Variants in ZNF638 observed in about 807,000 individuals in gnomAD.
ZNF638 encodes CTCL tumor antigen se33-1.
In ZNF638, 46 loss-of-function variants were observed where a neutral mutation model predicts 195.6. The ratio of observed to expected loss-of-function variants is 0.24; its 90% CI spans 0.19 to 0.30. ZNF638 has a LOEUF of 0.30. ZNF638 is among the 10% of genes least tolerant of loss of function. The probability of loss-of-function intolerance (pLI) is 1.00; values close to 1 mark genes in which losing one functional copy is unlikely to be tolerated. For missense variants in ZNF638, 2,440 were observed against 2,325.3 expected (o/e 1.05, Z -1.01); for synonymous variants, 845 against 772.0 (o/e 1.09, Z -1.57).
At chr2:71,408,287 A>G (rs749810396) in intron 20 of ZNF638, 40 bp downstream of exon 20, 46 of 1,597,904 alleles carry the variant, frequency 2.9e-5, no homozygotes, top group Middle Eastern at 1.7e-4. Context: ...ATTTTAGAAA[A>G]TACAGAGAAC....
chr2:71,382,909 G>T (rs991061107), intron 10 of ZNF638, among the ~76,000 whole-genome samples: 1 of 152,160 alleles, frequency 6.6e-6, no homozygotes, highest in Non-Finnish European at 1.5e-5. Context: ...ATCTGTACCA[G>T]AAGAGAGAAA....
At chr2:71,337,496 T>A (rs577141766) in intron 1 of ZNF638, among the ~76,000 whole-genome samples, 108 of 152,106 alleles carry the variant, frequency 7.1e-4, no homozygotes, top group African/African-American at 2.4e-3. Context: ...CACTGCAATC[T>A]CTGCCTCCTG....
chr2:71,383,762 C>CTTTTTTTTTTTTTTTTTTT (rs1181570876), intron 10 of ZNF638, among the ~76,000 whole-genome samples: 6 of 76,720 alleles, frequency 7.8e-5, no homozygotes, highest in African/African-American at 1.0e-4. Flanking sequence ...TTTTCTTTTT[C>CTTTTTTTTTTTTTTTTTTT]TTTTTTTTTT....
At chr2:71,422,784 TTC>T in intron 21 of ZNF638, 28 bp from the exon 22 acceptor site, 1 of 1,579,052 alleles carries the variant, frequency 6.3e-7, no homozygotes, top group Non-Finnish European at 8.6e-7. Context: ...TTTGTTTGTG[TTC>T]TTTTTGTTTG....
At chr2:71,402,404 ATAG>A (rs972168835) in intron 16 of ZNF638, among the ~76,000 whole-genome samples, 90 of 152,126 alleles carry the variant, frequency 5.9e-4, no homozygotes, top group Non-Finnish European at 1.1e-3. Context: ...AATATGTTTA[ATAG>A]TAGGAAATGT....
intron 1 of ZNF638, among the ~76,000 whole-genome samples, chr2:71,347,941 G>A (rs1437041528): frequency 2.0e-5 from 3 of 152,170 alleles, no homozygotes; most frequent in Non-Finnish European, 2.9e-5. Flanking sequence ...CTGTAAAACT[G>A]TACATATCTC....
chr2:71,376,227 T>C (rs1266615923), intron 8 of ZNF638: 1 of 152,200 alleles, frequency 6.6e-6, no homozygotes, highest in Admixed American at 6.5e-5. Context: ...ATGGCAAATA[T>C]TAATGTTCTT....
In ZNF638 at chr2:71,431,447, T is replaced by A; in HGVS notation, c.5752+19T>A. On this transcript the variant is annotated intron_variant, in intron 26 of 27. Coordinates refer to ENST00000264447, the MANE Select transcript of ZNF638 (RefSeq NM_014497.5). ...CCTGAGGGTAAAGTTAAAATGACATTTTTTTCTTACCCATATGAAATTTAA... is the reference window on the plus strand; with the variant it reads ...CCTGAGGGTAAAGTTAAAATGACATATTTTTCTTACCCATATGAAATTTAA... 6.2e-7 allele frequency: 1 copy of A among 1,609,206 alleles called. No individual in the cohort carries two copies. Among genetic ancestry groups the A allele is most frequent in the Non-Finnish European group, 8.5e-7 (1 of 1,176,358 alleles).
At chr2:71,355,901 G>A (rs957637549) in intron 3 of ZNF638, 121 bp downstream of exon 3, 1 of 496,498 alleles carries the variant, frequency 2.0e-6, no homozygotes, top group African/African-American at 2.0e-5. Context: ...GAAAGCTATT[G>A]TCTTTTAAAA....
intron 14 of ZNF638, 52 bp from the exon 15 acceptor site, chr2:71,400,426 T>A: frequency 6.5e-7 from 1 of 1,537,192 alleles, no homozygotes; most frequent in Non-Finnish European, 8.8e-7. Flanking sequence ...TGGAATAAAG[T>A]AGGATCTTGA....
chr2:71,428,717 GATCT>G (rs1359516066), intron 25 of ZNF638, 66 bp downstream of exon 25: 6 of 1,381,766 alleles, frequency 4.3e-6, no homozygotes, highest in African/African-American at 4.3e-5. Flanking sequence ...GAAGTTTAAA[GATCT>G]ATCTAAGAAG....
chr2:71,338,790 A>G (rs540896129), intron 1 of ZNF638, among the ~76,000 whole-genome samples: 1 of 152,326 alleles, frequency 6.6e-6, no homozygotes, highest in African/African-American at 2.4e-5. Context: ...CATTTGAAAT[A>G]TGATTGGATT....
chr2:71,393,151 A>T (rs1427583921), intron 10 of ZNF638, among the ~76,000 whole-genome samples: 1 of 150,624 alleles, frequency 6.6e-6, no homozygotes, highest in East Asian at 2.0e-4. Context: ...AAATATGCTC[A>T]GAAAACAAAA....
At chr2:71,386,229 C>A (rs774319812) in intron 10 of ZNF638, among the ~76,000 whole-genome samples, 5 of 145,748 alleles carry the variant, frequency 3.4e-5, no homozygotes, top group South Asian at 2.1e-4. Flanking sequence ...AGGAGGTCGA[C>A]GCTTCAGTGA....
rs1238219255 is a variant in ZNF638 at position 71,406,132 on chromosome 2, A to G, written c.3005A>G (p.Asn1002Ser). The change falls in exon 19 of 28, where the codon AAC becomes AGC. Residue 1002 changes from asparagine (N) to serine (S), a missense_variant. Asn to Ser is a conservative substitution (Grantham distance 46). Coordinates refer to ENST00000264447, the MANE Select transcript of ZNF638 (RefSeq NM_014497.5). ...CTGTCTCTTAAAAAACTACAGGCAA[A>G]CATAGATACAATTTATGATCGATTT... ...TLVKENDPEA[N>S]IDTIYDRFVH... 2 of 1,613,304 alleles carry G rather than the reference A, an allele frequency of 1.2e-6. No individual in the cohort carries two copies. The highest frequency in any genetic ancestry group is 1.3e-5 in the African/African-American group (1 of 74,914).
rs1558890393 is a variant in ZNF638 at position 71,431,349 on chromosome 2, G to C, written c.5673G>C (p.Lys1891Asn). ...MSEVDEESGL[K>N]DSEPERKRKK... is the part of the protein sequence containing the mutation. ...TAGTTGATGAGGAATCTGGATTAAA[G>C]GATTCAGAACCAGAGCGAAAACGCA... The change falls in exon 26 of 28, where the codon AAG (lysine) becomes AAC (asparagine). Residue 1891 changes from lysine to asparagine, a missense_variant. Transcript: ENST00000264447. The C allele has an allele frequency of 6.2e-7, 1 of 1,613,570 alleles. No homozygotes were observed.
chr2:71,335,232 GGTCTT>G (rs2078645394), intron 1 of ZNF638, among the ~76,000 whole-genome samples: 1 of 152,042 alleles, frequency 6.6e-6, no homozygotes, highest in African/African-American at 2.4e-5. Context: ...ATAGAGACAA[GGTCTT>G]GCTGTATTGC....
chr2:71,384,020 C>T lies in ZNF638; in HGVS notation c.2377+3455C>T, dbSNP rs192908680. 1.4e-3 allele frequency among the ~76,000 whole-genome samples: 216 copies of T among 152,212 alleles called. 2 individuals are homozygous for T. Among genetic ancestry groups the T allele is most frequent in the African/African-American group, 4.7e-3 (194 of 41,538 alleles). On this transcript the variant is annotated intron_variant, in intron 10 of 27. Coordinates refer to ENST00000264447, the MANE Select transcript of ZNF638 (RefSeq NM_014497.5). Reference sequence around the variant, plus strand: ...TTCTTATATTATTTAACAGTTACCACTAATCATCCGGTAGAGTAGTTCTTA... The same window carrying T: ...TTCTTATATTATTTAACAGTTACCATTAATCATCCGGTAGAGTAGTTCTTA...
At chr2:71,428,761 G>C in intron 25 of ZNF638, 110 bp downstream of exon 25, 1 of 912,906 alleles carries the variant, frequency 1.1e-6, no homozygotes, top group South Asian at 1.7e-5. Flanking sequence ...AATAGAGCAG[G>C]GGTGGGAAAA....
Sources: gnomAD v4.1 joint callset for allele counts (sites outside exome capture counted in the v4.1 genomes callset) on GRCh38, gnomAD v4.1.1 for gene constraint, MANE v1.5 for transcripts, NCBI Gene and HGNC (gene_info 2026-07-23, HGNC 2026-07-21) for gene names.